The following CYFIP1 variants were observed in gnomAD, a reference collection of about 807,000 sequenced individuals.
CYFIP1 encodes the protein cytoplasmic FMR1 interacting protein 1, also known as cytoplasmic FMR1-interacting protein 1.
In CYFIP1, 58 loss-of-function variants were observed where a neutral mutation model predicts 163.5. The observed-to-expected ratio is 0.35, with a 90% CI of 0.29 to 0.44. The LOEUF (loss-of-function observed/expected upper bound fraction) is 0.44. Among genes scored for constraint, CYFIP1 ranks in the 20% least tolerant of loss-of-function variants. CYFIP1 has a pLI of 1.00. For missense variants in CYFIP1, 1,338 were observed against 1,653.8 expected (o/e 0.81, Z 3.31); for synonymous variants, 663 against 660.7 (o/e 1.00, Z -0.05).
In CYFIP1 at chr15:22,920,972, C is replaced by A. The variant is rs1005811976; in HGVS notation, c.1360-2114G>T. Among the ~76,000 whole-genome samples the A allele has an allele frequency of 2.6e-5, 4 of 152,234 alleles. No individual in the cohort carries two copies. The East Asian group carries it at 7.7e-4, about 29-fold the overall frequency. On this transcript the variant is annotated intron_variant, in intron 13 of 30. Transcript: ENST00000617928. ...AACAGCAAACTGAGAGCTTTAGATG[C>A]ACGCATTAGAAAACTAAAAAGGATA...
At chr15:22,881,246 G>C (rs930246560) in intron 25 of CYFIP1, among the ~76,000 whole-genome samples, 1 of 152,222 alleles carries the variant, frequency 6.6e-6, no homozygotes, top group South Asian at 2.1e-4. Flanking sequence ...CACAAGGCTA[G>C]TGTTCAACTG....
At chr15:22,876,226 G>A (rs1214778422) in intron 26 of CYFIP1, among the ~76,000 whole-genome samples, 1 of 152,018 alleles carries the variant, frequency 6.6e-6, no homozygotes, top group Non-Finnish European at 1.5e-5. Flanking sequence ...ACCTCCCAGA[G>A]ATGATGGCAA....
intron 1 of CYFIP1, among the ~76,000 whole-genome samples, chr15:22,958,754 C>G (rs2062572640): frequency 6.6e-6 from 1 of 152,228 alleles, no homozygotes; most frequent in South Asian, 2.1e-4. Flanking sequence ...CTCACGCTTT[C>G]ACTGGCTCTC....
At chr15:22,904,384 T>A (rs1395036667) in intron 21 of CYFIP1, 1 of 223,418 alleles carries the variant, frequency 4.5e-6, no homozygotes, top group East Asian at 1.1e-4. Flanking sequence ...CGTGCGCTGC[T>A]CTGGAGCTCG....
chr15:22,874,955 AC>A (rs1211637678), intron 27 of CYFIP1, among the ~76,000 whole-genome samples: 1 of 152,124 alleles, frequency 6.6e-6, no homozygotes, highest in East Asian at 1.9e-4. Flanking sequence ...CTTCTTATAT[AC>A]CCAACTCCCC....
At chr15:22,940,892 T>C (rs2140080731) in intron 6 of CYFIP1, among the ~76,000 whole-genome samples, 1 of 152,132 alleles carries the variant, frequency 6.6e-6, no homozygotes, top group South Asian at 2.1e-4. Flanking sequence ...ATATAAAAAT[T>C]AGCCCGGTGT....
chr15:22,979,939 T>C (rs977449912), intron 1 of CYFIP1, among the ~76,000 whole-genome samples: 4 of 152,062 alleles, frequency 2.6e-5, no homozygotes, highest in Admixed American at 2.6e-4. Flanking sequence ...AGCTGTGCCA[T>C]GTGCCGGGGC....
rs187780325 is a variant in CYFIP1 at position 22,950,549 on chromosome 15, T to G, written c.-6-3258A>C. Among the ~76,000 whole-genome samples, 4 of 152,316 alleles carry G rather than the reference T, an allele frequency of 2.6e-5. No individual in the cohort carries two copies. In the East Asian group the frequency reaches 7.7e-4, roughly 29 times the overall value. ...AGCCACCCCCGAATCTCAGTTTCACTTTCCACGATTTCAATGACCAGAGGT... is the reference window on the plus strand; with the variant it reads ...AGCCACCCCCGAATCTCAGTTTCACGTTCCACGATTTCAATGACCAGAGGT... On this transcript the variant is annotated intron_variant, in intron 1 of 30. Transcript: ENST00000617928.
At chr15:22,951,652 G>C (rs901780870) in intron 1 of CYFIP1, 8 of 927,602 alleles carry the variant, frequency 8.6e-6, no homozygotes, top group African/African-American at 8.5e-5. Flanking sequence ...GGGTCAACAA[G>C]AAGACAGGTC....
chr15:22,973,997 T>C (rs1015971788), intron 1 of CYFIP1, among the ~76,000 whole-genome samples: 1 of 152,168 alleles, frequency 6.6e-6, no homozygotes, highest in East Asian at 1.9e-4. Flanking sequence ...CCTGTCAGAC[T>C]GGCTCTTGTC....
At chr15:22,957,738 G>A (rs1485902747) in intron 1 of CYFIP1, among the ~76,000 whole-genome samples, 1 of 152,206 alleles carries the variant, frequency 6.6e-6, no homozygotes, top group Non-Finnish European at 1.5e-5. Context: ...ACGTGCACAA[G>A]GCATGAGCTG....
intron 23 of CYFIP1, among the ~76,000 whole-genome samples, chr15:22,885,475 G>A (rs1236821078): frequency 6.6e-6 from 1 of 152,194 alleles, no homozygotes; most frequent in Non-Finnish European, 1.5e-5. Context: ...GCTCACGCCT[G>A]TAATCCTAGC....
At chr15:22,885,576 C>CA (rs1235002633) in intron 23 of CYFIP1, among the ~76,000 whole-genome samples, 2 of 151,990 alleles carry the variant, frequency 1.3e-5, no homozygotes, top group African/African-American at 4.8e-5. Context: ...ACTAAAAATA[C>CA]AAAAAAATTA....
rs201382633 is a variant in CYFIP1, at chr15:22,877,874, G to A, written c.3042+2039C>T. On this transcript the variant is annotated intron_variant, in intron 26 of 30. Transcript: ENST00000617928. ...TGATGGAGGCTGTCAGCTCCCAGGC[G>A]TGTCACGCCTGACCTCGGACTCCCC... 7.9e-5 allele frequency among the ~76,000 whole-genome samples: 12 copies of A among 152,364 alleles called. 1 individual carries two copies. Among genetic ancestry groups the A allele is most frequent in the Admixed American group, 5.9e-4 (9 of 15,310 alleles).
In CYFIP1 at chr15:22,976,871, C is replaced by G. The variant is rs149545247; in HGVS notation, c.-7+3416G>C. The stretch of plus-strand genomic sequence containing the variant: ...TGTATAGTGTTGACTTTGCATGTAT[C>G]TCCCCATGGATAAGGGGCACTGCTG... On this transcript the variant is annotated intron_variant, in intron 1 of 30. Transcript: ENST00000617928. Among the ~76,000 whole-genome samples, 14 of 152,270 alleles carry G rather than the reference C, an allele frequency of 9.2e-5. No homozygotes were observed. In the East Asian group the frequency reaches 2.7e-3, roughly 29 times the overall value.
chr15:22,877,643 C>G (rs1209095309), intron 26 of CYFIP1, among the ~76,000 whole-genome samples: 1 of 152,190 alleles, frequency 6.6e-6, no homozygotes, highest in African/African-American at 2.4e-5. Context: ...TCTTGCTGGT[C>G]TGAGACACTG....
intron 30 of CYFIP1, among the ~76,000 whole-genome samples, chr15:22,871,775 G>A (rs946444948): frequency 1.3e-5 from 2 of 152,156 alleles, no homozygotes; most frequent in Non-Finnish European, 2.9e-5. Flanking sequence ...TGAGAAGGAA[G>A]GGGGACCCAG....
chr15:22,937,246 G>T, intron 8 of CYFIP1, 38 bp from the exon 9 acceptor site: 1 of 1,299,874 alleles, frequency 7.7e-7, no homozygotes, highest in Non-Finnish European at 1.1e-6. Flanking sequence ...ACAAAGCTCA[G>T]AACTGAGAAT....
intron 3 of CYFIP1, among the ~76,000 whole-genome samples, chr15:22,946,506 T>C (rs1253782564): frequency 4.6e-5 from 7 of 151,896 alleles, no homozygotes; most frequent in Admixed American, 4.6e-4. Flanking sequence ...CTGGGCGTAG[T>C]GGTGGGCGCC....
Sources: gnomAD v4.1 joint callset for allele counts (sites outside exome capture counted in the v4.1 genomes callset) on GRCh38, gnomAD v4.1.1 for gene constraint, MANE v1.5 for transcripts, NCBI Gene and HGNC (gene_info 2026-07-23, HGNC 2026-07-21) for gene names.